CCNC: variants seen among roughly 807,000 people sequenced by gnomAD.
CCNC encodes cyclin-C.
CCNC carries 19 observed loss-of-function variants against 50.0 expected under a neutral mutation model. The ratio of observed to expected loss-of-function variants is 0.38; its 90% CI spans 0.27 to 0.56. CCNC has a LOEUF of 0.56. Ranked by LOEUF, CCNC falls within the 20% of genes least tolerant of loss-of-function variation. The pLI is 0.72. For synonymous variants in CCNC, 93 were observed against 103.7 expected (o/e 0.90, Z 0.63); for missense variants, 200 against 327.1 (o/e 0.61, Z 3.00).
intron 8 of CCNC, 111 bp downstream of exon 8, chr6:99,550,088 GTATTTTGCTCAACATAAAA>G: frequency 5.1e-6 from 3 of 590,780 alleles, no homozygotes; most frequent in Non-Finnish European, 5.9e-6. Flanking sequence ...TCAACAAGTG[GTATTTTGCTCAACATAAAA>G]TATCTTGGGG....
At chr6:99,544,163 C>T in intron 11 of CCNC, 1 of 1,502,384 alleles carries the variant, frequency 6.7e-7, no homozygotes, top group East Asian at 2.5e-5. Flanking sequence ...TTAAAAATAA[C>T]TAAAACTGAA....
rs190101167 is a variant in CCNC, at chr6:99,556,936, A to T, written c.346+1561T>A. ...ACTCCATCTCAAATAACTAACTTTC[A>T]TTACTGTCAATAGAACAAAGTGCAG... On this transcript the variant is annotated intron_variant, in intron 5 of 11. Coordinates refer to ENST00000520429, the MANE Select transcript of CCNC (RefSeq NM_005190.4). Among the ~76,000 whole-genome samples the T allele has an allele frequency of 9.2e-5, 14 of 152,326 alleles. No homozygotes were observed. In the East Asian group the frequency reaches 2.5e-3, roughly 27 times the overall value.
chr6:99,544,570 A>G (rs1314026502), intron 11 of CCNC, among the ~76,000 whole-genome samples: 1 of 151,840 alleles, frequency 6.6e-6, no homozygotes, highest in Non-Finnish European at 1.5e-5. Context: ...CAATAACAAC[A>G]AAAAAAACCC....
chr6:99,550,383 A>G, intron 7 of CCNC, 74 bp from the exon 8 acceptor site: 1 of 980,528 alleles, frequency 1.0e-6, no homozygotes. Flanking sequence ...TCATTACCCA[A>G]CTGATTTGTA....
chr6:99,547,434 C>A (rs186139048), intron 9 of CCNC, among the ~76,000 whole-genome samples: 70 of 151,464 alleles, frequency 4.6e-4, no homozygotes, highest in African/African-American at 1.6e-3. Flanking sequence ...TGAGGTGATG[C>A]TGAAAGGGTG....
chr6:99,563,462 C>T (rs1281254738), intron 1 of CCNC, among the ~76,000 whole-genome samples: 2 of 152,182 alleles, frequency 1.3e-5, no homozygotes, highest in Non-Finnish European at 2.9e-5. Context: ...CTTGCCTAGT[C>T]AAGTGTGCTA....
chr6:99,543,857 T>C, intron 11 of CCNC: 3 of 1,328,910 alleles, frequency 2.3e-6, no homozygotes, highest in Non-Finnish European at 2.9e-6. Context: ...TGTCCATATA[T>C]ACTCAAAAAC....
chr6:99,543,986 C>G (rs774500139), intron 11 of CCNC: 1 of 1,190,240 alleles, frequency 8.4e-7, no homozygotes. Context: ...CCTATTCCTA[C>G]TATTTATGAA....
In CCNC at chr6:99,544,745, G is replaced by GAA. The variant is rs34449935; in HGVS notation, c.797+365_797+366dup. On this transcript the variant is annotated intron_variant, in intron 11 of 11. Transcript: ENST00000520429. ...ATAAAACAGGACAATAGCCAGCAGT[G>GAA]AAAAAAAAAAAAAAAAAAGATGGCA... is the stretch of plus-strand genomic sequence containing the variant. Among the ~76,000 whole-genome samples the GAA allele has an allele frequency of 2.1e-3, 262 of 122,498 alleles. 5 individuals are homozygous for GAA. In the East Asian group the frequency reaches 0.043, roughly 20 times the overall value. The allele number at this position is 122,498 out of a possible 152,430, so 80.4% of individuals were successfully genotyped here. A position where few individuals can be genotyped will look rare whatever the true frequency, so the allele number is the denominator to read the frequency against.
At chr6:99,543,678 A>G (rs997413059) in intron 11 of CCNC, 69 bp from the exon 12 acceptor site, 2 of 1,590,360 alleles carry the variant, frequency 1.3e-6, no homozygotes, top group South Asian at 1.1e-5. Flanking sequence ...TGATAAGCCT[A>G]CTGACTTTTA....
chr6:99,555,225 A>G (rs1802463267), intron 5 of CCNC, among the ~76,000 whole-genome samples: 1 of 152,032 alleles, frequency 6.6e-6, no homozygotes, highest in Admixed American at 6.6e-5. Context: ...TTATGTCAAC[A>G]CCTTTCCCCC....
At chr6:99,567,050 G>T in intron 1 of CCNC, 1 of 370,864 alleles carries the variant, frequency 2.7e-6, no homozygotes, top group South Asian at 2.1e-5. Flanking sequence ...TATTTGAATT[G>T]GGAGAAAAGA....
chr6:99,567,457 A>C (rs1769184956), intron 1 of CCNC, among the ~76,000 whole-genome samples: 1 of 152,132 alleles, frequency 6.6e-6, no homozygotes, highest in Admixed American at 6.6e-5. Flanking sequence ...TCAGTGGTAA[A>C]GCTTCTTTAA....
At chr6:99,566,093 T>C (rs941949923) in intron 1 of CCNC, among the ~76,000 whole-genome samples, 2 of 152,036 alleles carry the variant, frequency 1.3e-5, no homozygotes, top group African/African-American at 4.8e-5. Flanking sequence ...ACCCTGGAGA[T>C]AACCCAAAAG....
intron 4 of CCNC, among the ~76,000 whole-genome samples, chr6:99,560,795 A>G (rs1802745979): frequency 6.6e-6 from 1 of 152,332 alleles, no homozygotes; most frequent in East Asian, 1.9e-4. Context: ...TAGACTCTAT[A>G]TAGCTATAGC....
At chr6:99,551,759 C>A in intron 6 of CCNC, 81 bp downstream of exon 6, 1 of 853,222 alleles carries the variant, frequency 1.2e-6, no homozygotes, top group Non-Finnish European at 1.7e-6. Context: ...TTCTAGGAAA[C>A]TATTAAATTT....
chr6:99,562,570 C>G, intron 2 of CCNC: 1 of 275,446 alleles, frequency 3.6e-6, no homozygotes. Context: ...TTTAGCCAAC[C>G]TTGAACTGGG....
At chr6:99,568,723 A>G, upstream of CCNC, 4 of 1,420,840 alleles carry the variant, frequency 2.8e-6, no homozygotes, top group South Asian at 4.6e-5. Context: ...TCAACTGTGC[A>G]AACCCGTTCC....
intron 1 of CCNC, 73 bp downstream of exon 1, chr6:99,568,423 G>T: frequency 7.0e-7 from 1 of 1,418,572 alleles, no homozygotes; most frequent in Non-Finnish European, 9.9e-7. Context: ...TCCAGGCCCA[G>T]GGGAGTCACA....
Sources: gnomAD v4.1 joint callset for allele counts (sites outside exome capture counted in the v4.1 genomes callset) on GRCh38, gnomAD v4.1.1 for gene constraint, MANE v1.5 for transcripts, NCBI Gene and HGNC (gene_info 2026-07-23, HGNC 2026-07-21) for gene names.